MRTFB: variants seen among roughly 807,000 people sequenced by gnomAD.
MRTFB encodes myocardin related transcription factor B.
In MRTFB, 29 loss-of-function variants were observed where a neutral mutation model predicts 104.2. The ratio of observed to expected loss-of-function variants is 0.28; its 90% CI spans 0.21 to 0.38. The LOEUF is 0.38. MRTFB is among the 10% of genes least tolerant of loss of function. The probability of loss-of-function intolerance (pLI) is 1.00; values close to 1 mark genes in which losing one functional copy is unlikely to be tolerated. For missense variants in MRTFB, 1,270 were observed against 1,341.6 expected (o/e 0.95, Z 0.83); for synonymous variants, 535 against 519.5 (o/e 1.03, Z -0.41).
intron 3 of MRTFB, among the ~76,000 whole-genome samples, chr16:14,179,877 T>TTTAA (rs2039709355): frequency 6.6e-6 from 1 of 152,072 alleles, no homozygotes; most frequent in African/African-American, 2.4e-5. Flanking sequence ...AAATCAGGAG[T>TTTAA]GTTTAGAAAC....
intron 3 of MRTFB, among the ~76,000 whole-genome samples, chr16:14,157,934 C>G (rs1247063807): frequency 6.6e-6 from 1 of 151,544 alleles, no homozygotes; most frequent in African/African-American, 2.4e-5. Context: ...TTTTATTGGC[C>G]CAAATGTTTG....
Position 14,261,117 on chromosome 16 carries a change from C to T in MRTFB, c.2973C>T (p.Pro991=), listed in dbSNP as rs760797353. Residue 991 remains proline (P), a synonymous_variant, in exon 17 of 17, where the codon CCC becomes CCT. Coordinates refer to ENST00000571589, the MANE Select transcript of MRTFB (RefSeq NM_001308142.2). ...QLEAFLDGTL[P]SANEIPPLQS... Reference sequence around the variant, plus strand: ...AAGCTTTCTTGGATGGAACTTTACCCTCAGCCAATGAAATTCCTCCACTAC... The same window carrying T: ...AAGCTTTCTTGGATGGAACTTTACCTTCAGCCAATGAAATTCCTCCACTAC... 1 of 1,614,180 alleles carries T rather than the reference C, an allele frequency of 6.2e-7. No individual in the cohort carries two copies. The highest frequency in any genetic ancestry group is 1.7e-5 in the Admixed American group (1 of 60,020).
chr16:14,097,186 G>A (rs537641972), intron 2 of MRTFB, among the ~76,000 whole-genome samples: 128 of 152,328 alleles, frequency 8.4e-4, no homozygotes, highest in African/African-American at 3.0e-3. Context: ...ATGAAATCCA[G>A]CACTTACAAC....
chr16:14,000,686 T>A, the MRTFB span, among the ~76,000 whole-genome samples: 1 of 152,312 alleles, frequency 6.6e-6, no homozygotes, highest in African/African-American at 2.4e-5. Flanking sequence ...GGGGGTGGCG[T>A]TCACATCACC....
the MRTFB span, among the ~76,000 whole-genome samples, chr16:14,051,857 T>G: frequency 6.6e-6 from 1 of 152,192 alleles, no homozygotes; most frequent in Non-Finnish European, 1.5e-5. Flanking sequence ...CAAATATTCT[T>G]CTCCACCTTT....
chr16:14,038,458 C>G, the MRTFB span, among the ~76,000 whole-genome samples: 561 of 152,272 alleles, frequency 3.7e-3, 3 homozygotes, highest in African/African-American at 0.013. Flanking sequence ...GTGGGACTGA[C>G]TTCATATCAA....
intron 9 of MRTFB, among the ~76,000 whole-genome samples, chr16:14,237,494 T>C (rs1397425037): frequency 1.3e-5 from 2 of 152,114 alleles, no homozygotes; most frequent in Non-Finnish European, 2.9e-5. Context: ...TTAGTTGGAG[T>C]GGGCACAAGA....
At chr16:14,244,539 T>C (rs1420489832) in intron 10 of MRTFB, among the ~76,000 whole-genome samples, 1 of 152,198 alleles carries the variant, frequency 6.6e-6, no homozygotes, top group African/African-American at 2.4e-5. Flanking sequence ...CTGCCAGCAG[T>C]GTGTGATTGT....
At chr16:14,132,213 G>A (rs1435582241) in intron 2 of MRTFB, among the ~76,000 whole-genome samples, 1 of 152,162 alleles carries the variant, frequency 6.6e-6, no homozygotes, top group East Asian at 1.9e-4. Context: ...TATGTGAAAT[G>A]TCTGGGACAG....
intron 3 of MRTFB, among the ~76,000 whole-genome samples, chr16:14,173,162 T>G (rs181801675): frequency 3.9e-4 from 59 of 152,310 alleles, no homozygotes; most frequent in Admixed American, 1.8e-3. Context: ...TCCACATTGC[T>G]TTTCTTTTTC....
At chr16:14,039,128 T>A in the MRTFB span, among the ~76,000 whole-genome samples, 25 of 152,310 alleles carry the variant, frequency 1.6e-4, no homozygotes, top group Middle Eastern at 0.014. Flanking sequence ...ATCAATGGTC[T>A]CTTATGAGAT....
chr16:14,015,449 G>C, the MRTFB span, among the ~76,000 whole-genome samples: 15 of 152,104 alleles, frequency 9.9e-5, no homozygotes, highest in Admixed American at 4.6e-4. Context: ...TACTCAGAAA[G>C]AGACCAAGAA....
intron 2 of MRTFB, among the ~76,000 whole-genome samples, chr16:14,139,178 C>G (rs2037872177): frequency 6.6e-6 from 1 of 152,148 alleles, no homozygotes; most frequent in African/African-American, 2.4e-5. Context: ...TGATAAAGCA[C>G]TTGTATCCAA....
At chr16:14,103,159 A>G (rs1240970875) in intron 2 of MRTFB, among the ~76,000 whole-genome samples, 2 of 152,208 alleles carry the variant, frequency 1.3e-5, no homozygotes, top group East Asian at 3.9e-4. Context: ...GCTCTCATCT[A>G]ATATTCTTTA....
chr16:14,189,417 G>A (rs958933701), intron 3 of MRTFB, among the ~76,000 whole-genome samples: 2 of 152,168 alleles, frequency 1.3e-5, no homozygotes, highest in Admixed American at 6.5e-5. Flanking sequence ...ATCCATGGAA[G>A]TTAATTGAGA....
At chr16:14,082,467 A>C (rs1020571524) in intron 2 of MRTFB, among the ~76,000 whole-genome samples, 2 of 152,234 alleles carry the variant, frequency 1.3e-5, no homozygotes, top group Admixed American at 1.3e-4. Context: ...GAAACCAGGT[A>C]GTGTGATATC....
At chr16:14,162,677 T>C (rs1437981513) in intron 3 of MRTFB, among the ~76,000 whole-genome samples, 1 of 152,198 alleles carries the variant, frequency 6.6e-6, no homozygotes, top group African/African-American at 2.4e-5. Flanking sequence ...AAAAACAGGC[T>C]GAACTACTAC....
At chr16:14,029,204 G>A in the MRTFB span, among the ~76,000 whole-genome samples, 165 of 151,774 alleles carry the variant, frequency 1.1e-3, no homozygotes, top group African/African-American at 3.9e-3. Flanking sequence ...GGGAGGCTCA[G>A]GATCCCTCCT....
intron 2 of MRTFB, among the ~76,000 whole-genome samples, chr16:14,108,657 C>T (rs2036120578): frequency 6.6e-6 from 1 of 152,130 alleles, no homozygotes; most frequent in Non-Finnish European, 1.5e-5. Context: ...ATTGGAGATT[C>T]TGGATGCATT....
Sources: gnomAD v4.1 joint callset for allele counts (sites outside exome capture counted in the v4.1 genomes callset) on GRCh38, gnomAD v4.1.1 for gene constraint, MANE v1.5 for transcripts, NCBI Gene and HGNC (gene_info 2026-07-23, HGNC 2026-07-21) for gene names.